Variants in WFS1 observed in about 807,000 individuals in gnomAD.
WFS1 encodes wolframin.
WFS1 carries 90 observed loss-of-function variants against 68.5 expected under a neutral mutation model. That is an observed-to-expected ratio of 1.31 (90% CI 1.11 to 1.56). The LOEUF is 1.56. Ranked by LOEUF, WFS1 falls within the 40% of genes most tolerant of loss-of-function variation. The probability of loss-of-function intolerance (pLI) is 0.00; values close to 1 mark genes in which losing one functional copy is unlikely to be tolerated. For missense variants in WFS1, 1,767 were observed against 1,232.6 expected (o/e 1.43, Z -6.49); for synonymous variants, 860 against 540.7 (o/e 1.59, Z -8.19).
At chr4:6,299,094 T>A (rs1020443274) in intron 7 of WFS1, among the ~76,000 whole-genome samples, 1 of 152,240 alleles carries the variant, frequency 6.6e-6, no homozygotes, top group Non-Finnish European at 1.5e-5. Context: ...CCATGCTGTG[T>A]GAGCACTGGC....
intron 7 of WFS1, 142 bp from the exon 8 acceptor site, chr4:6,300,515 C>A (rs1029730050): frequency 3.1e-6 from 4 of 1,286,268 alleles, no homozygotes; most frequent in Non-Finnish European, 4.3e-6. Context: ...GGAGGGAGGA[C>A]CACTAGGATG....
At chr4:6,275,472 G>T (rs760685908) in intron 1 of WFS1, among the ~76,000 whole-genome samples, 3 of 152,108 alleles carry the variant, frequency 2.0e-5, no homozygotes, top group Non-Finnish European at 4.4e-5. Context: ...GTTCCCGGGA[G>T]CTGGGAACTT....
chr4:6,275,938 A>G (rs1359352459), intron 1 of WFS1, among the ~76,000 whole-genome samples: 2 of 152,114 alleles, frequency 1.3e-5, no homozygotes, highest in Non-Finnish European at 2.9e-5. Flanking sequence ...ACTGGTCCTC[A>G]CAGTTGCCCC....
chr4:6,282,768 C>G (rs1309226032), intron 2 of WFS1, among the ~76,000 whole-genome samples: 1 of 152,180 alleles, frequency 6.6e-6, no homozygotes, highest in African/African-American at 2.4e-5. Context: ...AGAAGCCTTC[C>G]CTCCATCCTT....
At chr4:6,284,454 T>C (rs924315724) in intron 2 of WFS1, among the ~76,000 whole-genome samples, 3 of 152,154 alleles carry the variant, frequency 2.0e-5, no homozygotes, top group African/African-American at 4.8e-5. Flanking sequence ...ATAACTTCTG[T>C]GAAAAATTAA....
At chr4:6,294,814 C>T (rs538719790) in intron 6 of WFS1, 19 of 600,134 alleles carry the variant, frequency 3.2e-5, no homozygotes, top group East Asian at 2.5e-4. Flanking sequence ...ACCCAGGGGC[C>T]GGGGGCCAGG....
Position 6,301,147 on chromosome 4 carries a change from C to T in WFS1, c.1352C>T (p.Ala451Val). The T allele has an allele frequency of 6.2e-7, 1 of 1,613,110 alleles. No individual in the cohort carries two copies. The highest frequency in any genetic ancestry group is 8.5e-7 in the Non-Finnish European group (1 of 1,180,002). Residue 451 changes from alanine (A) to valine (V), a missense_variant, in exon 8 of 8, where the codon GCA (alanine) becomes GTA (valine). Physicochemically the swap from Ala to Val is moderately conservative, Grantham distance 64. Coordinates refer to ENST00000226760, the MANE Select transcript of WFS1 (RefSeq NM_006005.3). ...AGCTACCTGAGCCTGAGCACCCATG[C>T]AGAGCCCTACACGCGCAGGGCCCTG... Reference protein sequence around the residue: ...VTSYLSLSTHAEPYTRRALAT... With the variant: ...VTSYLSLSTHVEPYTRRALAT...
chr4:6,300,555 G>C, intron 7 of WFS1, 102 bp from the exon 8 acceptor site: 1 of 1,550,210 alleles, frequency 6.5e-7, no homozygotes. Context: ...GCAAGGGTGC[G>C]GGTTCCTTTT....
At chr4:6,290,494 C>G (rs1030301351) in intron 4 of WFS1, among the ~76,000 whole-genome samples, 1 of 152,264 alleles carries the variant, frequency 6.6e-6, no homozygotes, top group African/African-American at 2.4e-5. Context: ...CGTGTTCCCC[C>G]AGCTGCACAC....
intron 3 of WFS1, 28 bp from the exon 4 acceptor site, chr4:6,288,959 T>C (rs775956823): frequency 6.2e-7 from 1 of 1,603,706 alleles, no homozygotes; most frequent in Non-Finnish European, 8.5e-7. Flanking sequence ...TCGGAGAATC[T>C]GGAGGCTGAC....
At position 6,301,942 on chromosome 4, in the gene WFS1, C is replaced by T; in HGVS notation, c.2147C>T (p.Ala716Val). 2 of 1,612,898 alleles carry T rather than the reference C, an allele frequency of 1.2e-6. No individual in the cohort carries two copies. Among genetic ancestry groups the T allele is most frequent in the South Asian group, 1.1e-5 (1 of 91,074 alleles). Reference protein sequence around the residue: ...YVRVTDIDNSAESAINMLPFF... With the variant: ...YVRVTDIDNSVESAINMLPFF... ...CGCGTGACTGACATCGACAACAGCG[C>T]CGAGTCTGCCATCAACATGCTCCCG... Residue 716 changes from alanine (A) to valine (V), a missense_variant, in exon 8 of 8, where the codon GCC becomes GTC. Coordinates refer to ENST00000226760, the MANE Select transcript of WFS1 (RefSeq NM_006005.3).
In WFS1 at chr4:6,277,623, C is replaced by T. The variant is rs112598170; in HGVS notation, c.168C>T (p.Asp56=). ...PQAGPGPGVR[D]AAAPAEPQAQ... ...CTGGCCCTGGCCCTGGTGTTAGAGACGCAGCGGCCCCCGCTGAACCCCAGG... is the reference window on the plus strand; with the variant it reads ...CTGGCCCTGGCCCTGGTGTTAGAGATGCAGCGGCCCCCGCTGAACCCCAGG... Residue 56 remains aspartate, a synonymous_variant, in exon 2 of 8, where the codon GAC becomes GAT. Transcript: ENST00000226760. The T allele has an allele frequency of 3.3e-5, 52 of 1,572,496 alleles. No homozygotes were observed. The highest frequency in any genetic ancestry group is 1.7e-4 in the Middle Eastern group (1 of 5,962).
Position 6,301,680 on chromosome 4 carries a change from C to CT in WFS1, c.1885_1886insT (p.Arg629LeufsTer83). On this transcript the variant is annotated frameshift_variant, in exon 8 of 8. Transcript: ENST00000226760. LOFTEE classifies it high-confidence loss of function. Reference sequence around the variant, plus strand: ...GGTGGGGATGGTGAAGTCCCTGACGCGGAGCTCCATGGTCAAGCTCATCCT... The same window carrying CT: ...GGTGGGGATGGTGAAGTCCCTGACGCTGGAGCTCCATGGTCAAGCTCATCCT... 6.2e-7 allele frequency: 1 copy of CT among 1,614,104 alleles called. No homozygotes were observed. The highest frequency in any genetic ancestry group is 8.5e-7 in the Non-Finnish European group (1 of 1,180,042).
In WFS1 at chr4:6,302,479, C is replaced by T. The variant is rs919707549; in HGVS notation, c.*11C>T. On this transcript the variant is annotated 3_prime_UTR_variant, in exon 8 of 8. Transcript: ENST00000226760. ...CTGTCGGCGGCCTGAGGATGGTCCG[C>T]CACGAGGAGCTTCCAGTGCATGTTG... The T allele has an allele frequency of 1.9e-6, 3 of 1,612,178 alleles. No individual in the cohort carries two copies. The highest frequency in any genetic ancestry group is 1.7e-6 in the Non-Finnish European group (2 of 1,180,026).
In WFS1 at chr4:6,271,562, C is replaced by A. The variant is rs1021946628; in HGVS notation, c.-6+1548C>A. On this transcript the variant is annotated intron_variant, in intron 1 of 7. Transcript: ENST00000226760. ...CTTTATGCCTACACGGCTCCCCTCC[C>A]CTCCCACTTCCCTACTTCCGGAAGT... 7.9e-5 allele frequency among the ~76,000 whole-genome samples: 12 copies of A among 152,308 alleles called. 1 individual carries two copies. The highest frequency in any genetic ancestry group is 2.6e-4 in the African/African-American group (11 of 41,578).
rs749172015 is a variant in WFS1 at position 6,301,512 on chromosome 4, C to G, written c.1717C>G (p.Leu573Val). The G allele has an allele frequency of 2.1e-5, 34 of 1,613,570 alleles. No individual in the cohort carries two copies. Among genetic ancestry groups the G allele is most frequent in the Non-Finnish European group, 2.7e-5 (32 of 1,179,938 alleles). The change falls in exon 8 of 8, where the codon CTG (leucine) becomes GTG (valine). Residue 573 changes from leucine to valine, a missense_variant. Physicochemically the swap from Leu to Val is conservative, Grantham distance 32. Transcript: ENST00000226760. ...YFLFLFALPI[L>V]VAGLALVGVL... ...CCTCTTCCTCTTTGCCCTCCCCATC[C>G]TGGTGGCCGGCCTGGCCCTGGTGGG...
rs755078133 is a variant in WFS1, at chr4:6,301,697, G to A, written c.1902G>A (p.Lys634=). ...VKSLTRSSMV[K]LILVWLTAIV... ...CCCTGACGCGGAGCTCCATGGTCAAGCTCATCCTGGTGTGGCTCACGGCCA... is the reference window on the plus strand; with the variant it reads ...CCCTGACGCGGAGCTCCATGGTCAAACTCATCCTGGTGTGGCTCACGGCCA... The change falls in exon 8 of 8, where the codon AAG becomes AAA. Residue 634 remains lysine, a synonymous_variant. Transcript: ENST00000226760. The A allele has an allele frequency of 1.2e-6, 2 of 1,614,110 alleles. No individual in the cohort carries two copies. Among genetic ancestry groups the A allele is most frequent in the East Asian group, 4.5e-5 (2 of 44,878 alleles).
intron 4 of WFS1, among the ~76,000 whole-genome samples, chr4:6,289,908 A>G (rs964644705): frequency 6.6e-6 from 1 of 151,668 alleles, no homozygotes; most frequent in Non-Finnish European, 1.5e-5. Flanking sequence ...CCCAGAAGCA[A>G]CTCCCCATAT....
chr4:6,299,368 G>A (rs1237269072), intron 7 of WFS1, among the ~76,000 whole-genome samples: 1 of 152,212 alleles, frequency 6.6e-6, no homozygotes, highest in Non-Finnish European at 1.5e-5. Flanking sequence ...CCACAGGTCG[G>A]GGGAAGGCAG....
Sources: allele counts gnomAD v4.1 joint callset (sites outside exome capture counted in the v4.1 genomes callset), GRCh38; gene constraint gnomAD v4.1.1; transcripts MANE v1.5; gene names NCBI Gene and HGNC (gene_info 2026-07-23, HGNC 2026-07-21).